The following PIP4K2B variants were observed in gnomAD, a reference collection of about 807,000 sequenced individuals.
PIP4K2B encodes the protein phosphatidylinositol 5-phosphate 4-kinase type-2 beta.
A neutral mutation model predicts 42.0 loss-of-function variants in PIP4K2B; 3 were observed. The observed-to-expected ratio is 0.07, with a 90% CI of 0.03 to 0.18. PIP4K2B has a LOEUF of 0.18. Ranked by LOEUF, PIP4K2B falls within the 10% of genes least tolerant of loss-of-function variation. The pLI is 1.00. For synonymous variants in PIP4K2B, 204 were observed against 210.1 expected (o/e 0.97, Z 0.25); for missense variants, 332 against 562.3 (o/e 0.59, Z 4.14).
intron 7 of PIP4K2B, 30 bp from the exon 8 acceptor site, chr17:38,771,302 GGAA>G (rs1459469670): frequency 1.2e-6 from 2 of 1,613,294 alleles, no homozygotes; most frequent in Non-Finnish European, 1.7e-6. Context: ...AAAGATGGAA[GGAA>G]GAAGAGGTTA....
chr17:38,790,528 C>T (rs894429438), intron 1 of PIP4K2B, among the ~76,000 whole-genome samples: 2 of 152,100 alleles, frequency 1.3e-5, no homozygotes, highest in African/African-American at 2.4e-5. Context: ...GCAGAATCTC[C>T]GCTCACTGCA....
intron 7 of PIP4K2B, among the ~76,000 whole-genome samples, chr17:38,777,158 G>A (rs1443416655): frequency 6.6e-6 from 1 of 152,116 alleles, no homozygotes; most frequent in Non-Finnish European, 1.5e-5. Context: ...TCATCTCCCG[G>A]GCTCAAACAA....
intron 5 of PIP4K2B, among the ~76,000 whole-genome samples, chr17:38,778,854 G>A (rs1028036730): frequency 2.6e-5 from 4 of 152,178 alleles, no homozygotes; most frequent in African/African-American, 9.7e-5. Context: ...GGTGGAGAGA[G>A]AGAAGGAGAC....
chr17:38,779,272 C>CT, intron 5 of PIP4K2B, 111 bp downstream of exon 5: 1 of 1,091,772 alleles, frequency 9.2e-7, no homozygotes, highest in Non-Finnish European at 1.4e-6. Flanking sequence ...GTTCCCTGTC[C>CT]ATGCCAACAC....
rs1302125411 is a variant in PIP4K2B, at chr17:38,778,364, C to T, written c.663G>A (p.Thr221=). 2.3e-5 allele frequency: 37 copies of T among 1,613,926 alleles called. No homozygotes were observed. The East Asian group carries it at 4.2e-4, about 18-fold the overall frequency. Reference sequence around the variant, plus strand: ...CCTTGTCGCTCGCTTCTCTGGCAACCGTAGAACCCTGAAAGGATAAGAGCC... The same window carrying T: ...CCTTGTCGCTCGCTTCTCTGGCAACTGTAGAACCCTGAAAGGATAAGAGCC... ...VHRKYDLKGS[T]VAREASDKEK... The change falls in exon 6 of 10, where the codon ACG becomes ACA. Residue 221 remains threonine, a synonymous_variant. Transcript: ENST00000619039.
intron 7 of PIP4K2B, among the ~76,000 whole-genome samples, chr17:38,775,844 G>A (rs1487672826): frequency 1.3e-5 from 2 of 151,972 alleles, no homozygotes; most frequent in Admixed American, 6.6e-5. Context: ...GCAACAGAGC[G>A]AGACTCTGTC....
At chr17:38,792,439 C>G (rs939102464) in intron 1 of PIP4K2B, among the ~76,000 whole-genome samples, 9 of 152,110 alleles carry the variant, frequency 5.9e-5, no homozygotes, top group African/African-American at 2.2e-4. Context: ...ACATATACAA[C>G]AGAATACTAT....
intron 1 of PIP4K2B, among the ~76,000 whole-genome samples, chr17:38,798,286 G>A (rs1910756787): frequency 6.6e-6 from 1 of 152,188 alleles, no homozygotes; most frequent in Non-Finnish European, 1.5e-5. Flanking sequence ...CATTCCTAGT[G>A]TGGGGATTCA....
In PIP4K2B at chr17:38,775,596, G is replaced by A. The variant is rs1221168982; in HGVS notation, c.807+2091C>T. Among the ~76,000 whole-genome samples the A allele has an allele frequency of 3.3e-5, 5 of 152,170 alleles. No individual in the cohort carries two copies. In the East Asian group the frequency reaches 9.8e-4, roughly 30 times the overall value. On this transcript the variant is annotated intron_variant, in intron 7 of 9. Transcript: ENST00000619039. ...ATTCTGGCCAGGTGTGGTGGCTCACGCCTGTAATCCCAGCACTCTGGGAGG... is the reference window on the plus strand; with the variant it reads ...ATTCTGGCCAGGTGTGGTGGCTCACACCTGTAATCCCAGCACTCTGGGAGG...
chr17:38,799,465 G>A lies in PIP4K2B; in HGVS notation c.-41C>T, dbSNP rs568783946. Reference sequence around the variant, plus strand: ...GGCGGCGGCGAAAGAGGGGGGCGGCGGAGACAGCGCACAAGCCAGCGGCCT... The same window carrying A: ...GGCGGCGGCGAAAGAGGGGGGCGGCAGAGACAGCGCACAAGCCAGCGGCCT... On this transcript the variant is annotated 5_prime_UTR_variant, in exon 1 of 10. Transcript: ENST00000619039. This position sits in a 1 kb window ranked among gnomAD's most constrained non-coding sequence, Gnocchi z 4.4. 1.7e-5 allele frequency: 26 copies of A among 1,522,462 alleles called. No homozygotes were observed. In the South Asian group the frequency reaches 2.5e-4, roughly 15 times the overall value. 94.3% of individuals were successfully genotyped at this position (1,522,462 alleles called of 1,614,324 possible). A position where few individuals can be genotyped will look rare whatever the true frequency, so the allele number is the denominator to read the frequency against.
At chr17:38,770,887 CAGAA>C (rs1908987487) in intron 8 of PIP4K2B, 123 bp downstream of exon 8, 2 of 1,081,754 alleles carry the variant, frequency 1.8e-6, no homozygotes, top group East Asian at 4.9e-5. Flanking sequence ...AATCTGGAGG[CAGAA>C]AGAGGTCAAA....
chr17:38,768,318 G>C lies in PIP4K2B; in HGVS notation c.*1373C>G, dbSNP rs1351874977. 2 of 152,416 alleles carry C rather than the reference G, an allele frequency of 1.3e-5. No individual in the cohort carries two copies. Among genetic ancestry groups the C allele is most frequent in the South Asian group, 2.1e-4 (1 of 4,838 alleles). 9.4% of individuals were successfully genotyped at this position (152,416 alleles called of 1,614,324 possible). ...GAGGGCCTGGGTGGCAGGCTCCGAA[G>C]GCAGGTGGAACACCTGCAGGAAGCC... On this transcript the variant is annotated 3_prime_UTR_variant, in exon 10 of 10. Coordinates refer to ENST00000619039, the MANE Select transcript of PIP4K2B (RefSeq NM_003559.5).
intron 1 of PIP4K2B, among the ~76,000 whole-genome samples, chr17:38,787,931 A>T (rs1367267589): frequency 6.6e-6 from 1 of 152,102 alleles, no homozygotes; most frequent in Non-Finnish European, 1.5e-5. Flanking sequence ...GCATCCTACT[A>T]ATCTTTGGGG....
At position 38,770,086 on chromosome 17, in the gene PIP4K2B, C is replaced by T. The variant is rs1016531999; in HGVS notation, c.1171-315G>A. ...ACAGGGCTTCAGGCCCACAGGGAAACAGGCCTGTGGGGAGCAGTATGGGCA... is the reference window on the plus strand; with the variant it reads ...ACAGGGCTTCAGGCCCACAGGGAAATAGGCCTGTGGGGAGCAGTATGGGCA... On this transcript the variant is annotated intron_variant, in intron 9 of 9. Transcript: ENST00000619039. Among the ~76,000 whole-genome samples, 4 of 152,318 alleles carry T rather than the reference C, an allele frequency of 2.6e-5. No homozygotes were observed. The East Asian group carries it at 7.7e-4, about 29-fold the overall frequency.
intron 1 of PIP4K2B, among the ~76,000 whole-genome samples, chr17:38,796,781 C>T (rs1039057011): frequency 2.4e-4 from 36 of 152,128 alleles, no homozygotes; most frequent in South Asian, 6.2e-4. Context: ...ACCAGCATGC[C>T]TAAATGCCTA....
chr17:38,766,960 A>C lies in PIP4K2B; in HGVS notation c.*2731T>G, dbSNP rs539276302. ...GGAAGAAGAGGGGGAAGGATGGGAG[A>C]AGGGGTGACTGGATGCCAGCCAGGA... is the stretch of plus-strand genomic sequence containing the variant. On this transcript the variant is annotated 3_prime_UTR_variant, in exon 10 of 10. Coordinates refer to ENST00000619039, the MANE Select transcript of PIP4K2B (RefSeq NM_003559.5). The C allele has an allele frequency of 6.6e-6, 1 of 152,482 alleles. No individual in the cohort carries two copies. The highest frequency in any genetic ancestry group is 2.4e-5 in the African/African-American group (1 of 41,564). The allele number at this position is 152,482 out of a possible 1,614,324, so 9.4% of individuals were successfully genotyped here.
chr17:38,795,214 A>C (rs1910590605), intron 1 of PIP4K2B, among the ~76,000 whole-genome samples: 1 of 152,134 alleles, frequency 6.6e-6, no homozygotes, highest in South Asian at 2.1e-4. Context: ...TATAAAAAGA[A>C]TTCTTGTAAC....
chr17:38,788,079 T>C (rs778854498), intron 1 of PIP4K2B, among the ~76,000 whole-genome samples: 14 of 152,306 alleles, frequency 9.2e-5, no homozygotes, highest in Non-Finnish European at 2.1e-4. Flanking sequence ...AATATCTTCA[T>C]ACAAATTGTG....
chr17:38,770,896 G>T, intron 8 of PIP4K2B, 118 bp downstream of exon 8: 1 of 1,200,194 alleles, frequency 8.3e-7, no homozygotes, highest in Non-Finnish European at 1.2e-6. Flanking sequence ...GCAGAAAGAG[G>T]TCAAAGGCAG....
Sources: gnomAD v4.1 joint callset for allele counts (sites outside exome capture counted in the v4.1 genomes callset) on GRCh38, gnomAD v4.1.1 for gene constraint, Gnocchi (gnomAD v3.1) non-coding constraint, MANE v1.5 for transcripts, NCBI Gene and HGNC (gene_info 2026-07-23, HGNC 2026-07-21) for gene names.